Variants in BRCA1 observed in about 807,000 individuals in gnomAD.
The protein encoded by BRCA1 is breast cancer type 1 susceptibility protein.
BRCA1 carries 140 observed loss-of-function variants against 173.7 expected under a neutral mutation model. The observed-to-expected ratio is 0.81, with a 90% CI of 0.70 to 0.93. The LOEUF is 0.93. Among genes scored for constraint, BRCA1 ranks in the 40% least tolerant of loss-of-function variants. The pLI is 0.00. For synonymous variants in BRCA1, 662 were observed against 756.0 expected (o/e 0.88, Z 2.04); for missense variants, 1,983 against 2,172.5 (o/e 0.91, Z 1.73).
At chr17:43,078,637 CTG>C (rs909287524) in intron 12 of BRCA1, among the ~76,000 whole-genome samples, 2 of 152,110 alleles carry the variant, frequency 1.3e-5, no homozygotes, top group African/African-American at 4.8e-5. Flanking sequence ...ATTAATTAAA[CTG>C]TTTTTTTAAG....
At chr17:43,050,110 C>T (rs2051143781) in intron 20 of BRCA1, 1 of 398,608 alleles carries the variant, frequency 2.5e-6, no homozygotes, top group Admixed American at 4.4e-5. Flanking sequence ...TGACCAGATG[C>T]TAAGGCCTTT....
chr17:43,137,926 C>T (rs779860344), intron 1 of BRCA1, among the ~76,000 whole-genome samples: 1 of 152,046 alleles, frequency 6.6e-6, no homozygotes, highest in African/African-American at 2.4e-5. Flanking sequence ...GTGTCTCGCA[C>T]CTGTAATCCC....
At chr17:43,091,246 A>G in intron 10 of BRCA1, 189 bp downstream of exon 10, 1 of 877,652 alleles carries the variant, frequency 1.1e-6, no homozygotes, top group Non-Finnish European at 1.8e-6. Context: ...ATTCAGTCAA[A>G]GATGACGTCC....
In BRCA1 at chr17:43,102,743, C is replaced by A. The variant is rs139218576; in HGVS notation, c.441+1379G>T. Among the ~76,000 whole-genome samples, 595 of 151,854 alleles carry A rather than the reference C, an allele frequency of 3.9e-3. 5 individuals are homozygous for A. The highest frequency in any genetic ancestry group is 0.014 in the African/African-American group (572 of 41,390). On this transcript the variant is annotated intron_variant, in intron 6 of 22. Transcript: ENST00000357654. ...TCATAGCTCACTGTAGTCTACATCT[C>A]CTGGACTCAAGTGATCCTTCTGTCT...
At chr17:43,160,716 C>T (rs1462865595) in intron 1 of BRCA1, 1 of 152,012 alleles carries the variant, frequency 6.6e-6, no homozygotes, top group African/African-American at 2.4e-5. Flanking sequence ...TGGTCTCCTC[C>T]CTTATTCCCC....
intron 1 of BRCA1, among the ~76,000 whole-genome samples, chr17:43,147,469 G>A (rs1730106435): frequency 6.6e-6 from 1 of 152,044 alleles, no homozygotes; most frequent in Admixed American, 6.6e-5. Context: ...GATTACAGGC[G>A]TGAGCCACCG....
chr17:43,142,974 ATGTGTG>A (rs1351394778), intron 1 of BRCA1, among the ~76,000 whole-genome samples: 1 of 72,370 alleles, frequency 1.4e-5, no homozygotes, highest in South Asian at 7.8e-4. Context: ...GTGTATATAT[ATGTGTG>A]TATATATATA....
chr17:43,080,294 T>C (rs1471246867), intron 12 of BRCA1, among the ~76,000 whole-genome samples: 1 of 152,142 alleles, frequency 6.6e-6, no homozygotes, highest in Non-Finnish European at 1.5e-5. Context: ...TAAGAAATAA[T>C]AAACTAGGCC....
intron 2 of BRCA1, among the ~76,000 whole-genome samples, chr17:43,120,144 G>C (rs1221523845): frequency 6.6e-6 from 1 of 152,112 alleles, no homozygotes; most frequent in African/African-American, 2.4e-5. Context: ...CAACCCACCG[G>C]GGAACACATT....
At position 43,100,594 on chromosome 17, in the gene BRCA1, AT is replaced by A. The variant is rs1567807163; in HGVS notation, c.442-715del. Among the ~76,000 whole-genome samples, 19 of 20,714 alleles carry A rather than the reference AT, an allele frequency of 9.2e-4. 3 individuals are homozygous for A. Among genetic ancestry groups the A allele is most frequent in the South Asian group, 2.8e-3 (2 of 722 alleles). 13.6% of individuals were successfully genotyped at this position (20,714 alleles called of 152,430 possible). A position where few individuals can be genotyped will look rare whatever the true frequency, so the allele number is the denominator to read the frequency against. ...TATAACATATATATAACATATATAT[AT>A]TATATATATATAACATATATATAAC... On this transcript the variant is annotated intron_variant, in intron 6 of 22. Coordinates refer to ENST00000357654, the MANE Select transcript of BRCA1 (RefSeq NM_007294.4).
At chr17:43,133,156 A>G (rs2055985412) in intron 1 of BRCA1, 2 of 152,134 alleles carry the variant, frequency 1.3e-5, no homozygotes, top group Non-Finnish European at 2.9e-5. Flanking sequence ...TATTAGGTGA[A>G]CACAGGTGCC....
In BRCA1 at chr17:43,100,596, T is replaced by C. The variant is rs10445318; in HGVS notation, c.442-716A>G. ...TAACATATATATAACATATATATAT[T>C]ATATATATATAACATATATATAACA... On this transcript the variant is annotated intron_variant, in intron 6 of 22. Transcript: ENST00000357654. 0.12 allele frequency among the ~76,000 whole-genome samples: 6,013 copies of C among 49,214 alleles called. 911 individuals carry two copies. The highest frequency in any genetic ancestry group is 0.27 in the South Asian group (444 of 1,662). The allele number at this position is 49,214 out of a possible 152,430, so 32.3% of individuals were successfully genotyped here. A position where few individuals can be genotyped will look rare whatever the true frequency, so the allele number is the denominator to read the frequency against.
rs80357157 is a variant in BRCA1, at chr17:43,082,467, T to C, written c.4294A>G (p.Ile1432Val). ...GSQPSNSYPS[I>V]ISDSSALEDL... is the part of the protein sequence containing the mutation. The stretch of plus-strand genomic sequence containing the variant: ...TCAAGGGCAGAAGAGTCACTTATGA[T>C]GGAAGGGTAGCTGTTAGAAGGCTGG... Residue 1432 changes from isoleucine (I) to valine (V), a missense_variant, in exon 12 of 23, where the codon ATC becomes GTC. Coordinates refer to ENST00000357654, the MANE Select transcript of BRCA1 (RefSeq NM_007294.4). 2 of 1,614,070 alleles carry C rather than the reference T, an allele frequency of 1.2e-6. No individual in the cohort carries two copies. The highest frequency in any genetic ancestry group is 1.7e-6 in the Non-Finnish European group (2 of 1,180,028).
chr17:43,165,901 A>G (rs542927121), intron 1 of BRCA1: 10 of 152,114 alleles, frequency 6.6e-5, no homozygotes, highest in Non-Finnish European at 1.3e-4. Flanking sequence ...TGTTGTGCAC[A>G]TGTACCCTAA....
intron 6 of BRCA1, among the ~76,000 whole-genome samples, chr17:43,102,357 C>CT (rs35584960): frequency 0.17 from 15,494 of 92,990 alleles, 4,939 homozygotes; most frequent in African/African-American, 0.62. Context: ...AGGCGTGAAG[C>CT]TTTTTTTTTT....
intron 15 of BRCA1, among the ~76,000 whole-genome samples, chr17:43,069,907 CAT>C (rs1011432927): frequency 1.1e-4 from 17 of 152,110 alleles, no homozygotes; most frequent in African/African-American, 4.1e-4. Flanking sequence ...GTTATCTCAT[CAT>C]AGTTTTAAAG....
chr17:43,087,699 G>C (rs1343168857), intron 11 of BRCA1, among the ~76,000 whole-genome samples: 1 of 150,906 alleles, frequency 6.6e-6, no homozygotes, highest in Admixed American at 6.6e-5. Context: ...GAATTTTAAT[G>C]ATCCAGTAAA....
At chr17:43,045,827 G>A (rs868769664) in intron 22 of BRCA1, 25 bp from the exon 23 acceptor site, 3 of 1,581,744 alleles carry the variant, frequency 1.9e-6, no homozygotes, top group Non-Finnish European at 2.6e-6. Context: ...CACAAGCAGA[G>A]ATTAGTGTCA....
chr17:43,108,619 C>G (rs560446489), intron 3 of BRCA1, among the ~76,000 whole-genome samples: 1 of 144,172 alleles, frequency 6.9e-6, no homozygotes, highest in Non-Finnish European at 1.5e-5. Context: ...GCATGAGAAT[C>G]ACTGGAACCC....
Sources: allele counts gnomAD v4.1 joint callset (sites outside exome capture counted in the v4.1 genomes callset), GRCh38; gene constraint gnomAD v4.1.1; transcripts MANE v1.5; gene names NCBI Gene and HGNC (gene_info 2026-07-23, HGNC 2026-07-21).